Variants in ZNF385D observed in about 807,000 individuals in gnomAD.
ZNF385D encodes zinc finger protein 659.
A neutral mutation model predicts 35.8 loss-of-function variants in ZNF385D; 15 were observed. That is an observed-to-expected ratio of 0.42 (90% confidence interval 0.28 to 0.64). The LOEUF (loss-of-function observed/expected upper bound fraction) is 0.64. Among genes scored for constraint, ZNF385D ranks in the 30% least tolerant of loss-of-function variants. ZNF385D has a pLI of 0.23. For missense variants in ZNF385D, 474 were observed against 494.6 expected, an observed-to-expected ratio of 0.96 and a Z score of 0.39; for synonymous variants, 212 against 186.8, an observed-to-expected ratio of 1.13 and a Z score of -1.10.
At chr3:22,250,280 A>G (rs1576563631) in intron 2 of ZNF385D, among the ~76,000 whole-genome samples, 1 of 152,138 alleles carries the variant, frequency 6.6e-6, no homozygotes, top group Non-Finnish European at 1.5e-5. Context: ...TAAATATGCA[A>G]AAGTCTTTTT....
rs1156586342 is a variant in ZNF385D, at chr3:21,419,909, A to T, written c.*1305T>A. 1 of 152,102 alleles carries T rather than the reference A, an allele frequency of 6.6e-6. No homozygotes were observed. Among genetic ancestry groups the T allele is most frequent in the Non-Finnish European group, 1.5e-5 (1 of 68,016 alleles). 9.4% of individuals were successfully genotyped at this position (152,102 alleles called of 1,614,324 possible). A position where few individuals can be genotyped will look rare whatever the true frequency, so the allele number is the denominator to read the frequency against. ...ATAAATCTTGTTTTAAAGGTAAAAC[A>T]TCAACTTCTTTCAGCCTGATGGTGA... On this transcript the variant is annotated 3_prime_UTR_variant, in exon 8 of 8. Transcript: ENST00000281523.
At chr3:22,042,196 G>A (rs1395493923) in intron 3 of ZNF385D, among the ~76,000 whole-genome samples, 5 of 152,046 alleles carry the variant, frequency 3.3e-5, no homozygotes, top group Non-Finnish European at 5.9e-5. Flanking sequence ...CGGCTCACTA[G>A]TTATGAAACT....
intron 2 of ZNF385D, among the ~76,000 whole-genome samples, chr3:22,362,754 A>G (rs1466198804): frequency 6.6e-6 from 1 of 152,118 alleles, no homozygotes; most frequent in Non-Finnish European, 1.5e-5. Context: ...ACACTCCTAG[A>G]TGACAGAATA....
At chr3:21,760,862 G>A (rs893368666) in intron 3 of ZNF385D, among the ~76,000 whole-genome samples, 1 of 152,128 alleles carries the variant, frequency 6.6e-6, no homozygotes, top group African/African-American at 2.4e-5. Flanking sequence ...GGTTTAATGT[G>A]TGTGTATTTT....
chr3:21,763,099 T>C lies in ZNF385D; in HGVS notation c.326-98071A>G, dbSNP rs540513809. ...GACAAATTTCCCAAAGACAAGAATA[T>C]GGTAACTCCCCCAAAAGCTCTTGAA... is the stretch of plus-strand genomic sequence containing the variant. On this transcript the variant is annotated intron_variant, in intron 3 of 5. Coordinates refer to the ZNF385D transcript ENST00000494108. Among the ~76,000 whole-genome samples, 9 of 152,240 alleles carry C rather than the reference T, an allele frequency of 5.9e-5. No individual in the cohort carries two copies. In the East Asian group the frequency reaches 1.5e-3, roughly 26 times the overall value.
At chr3:22,012,845 A>G (rs187566938) in intron 3 of ZNF385D, among the ~76,000 whole-genome samples, 1 of 152,300 alleles carries the variant, frequency 6.6e-6, no homozygotes, top group East Asian at 1.9e-4. Context: ...AATAGATTAC[A>G]TTTATTTAAA....
At chr3:22,251,474 C>G (rs1160135473) in intron 2 of ZNF385D, among the ~76,000 whole-genome samples, 5 of 152,108 alleles carry the variant, frequency 3.3e-5, no homozygotes, top group Admixed American at 1.3e-4. Flanking sequence ...ACTTGGAAAT[C>G]TCTTAAGTGG....
In ZNF385D at chr3:22,219,563, G is replaced by A. The variant is rs76458170; in HGVS notation, c.107-50528C>T. Among the ~76,000 whole-genome samples, 961 of 152,128 alleles carry A rather than the reference G, an allele frequency of 6.3e-3. 6 individuals are homozygous for A. Among genetic ancestry groups the A allele is most frequent in the African/African-American group, 0.021 (892 of 41,524 alleles). ...TTAACAAATAATGTATCATTAAATAGTACTGTAGGTCCCTAATCCTCATCT... is the reference window on the plus strand; with the variant it reads ...TTAACAAATAATGTATCATTAAATAATACTGTAGGTCCCTAATCCTCATCT... On this transcript the variant is annotated intron_variant, in intron 2 of 5. Coordinates refer to the ZNF385D transcript ENST00000494108.
chr3:21,667,824 T>C (rs2066452278), intron 1 of ZNF385D, among the ~76,000 whole-genome samples: 1 of 152,158 alleles, frequency 6.6e-6, no homozygotes, highest in Non-Finnish European at 1.5e-5. Flanking sequence ...TAAATTTAAT[T>C]TCCCATTCTC....
At chr3:21,789,882 G>C (rs3849549) in intron 3 of ZNF385D, among the ~76,000 whole-genome samples, 2,510 of 152,218 alleles carry the variant, frequency 0.016, 75 homozygotes, top group African/African-American at 0.057. Context: ...CTTTCAACTT[G>C]TCACTGTTGT....
At chr3:21,650,790 A>G (rs978933048) in intron 2 of ZNF385D, among the ~76,000 whole-genome samples, 2 of 152,114 alleles carry the variant, frequency 1.3e-5, no homozygotes, top group Non-Finnish European at 2.9e-5. Context: ...TTGGACTAAC[A>G]GTTTCTGAGA....
At chr3:21,627,492 A>G (rs987308103) in intron 2 of ZNF385D, among the ~76,000 whole-genome samples, 1 of 152,084 alleles carries the variant, frequency 6.6e-6, no homozygotes, top group East Asian at 1.9e-4. Flanking sequence ...TGTGAAAATC[A>G]GGTCTATTAA....
At chr3:21,886,883 C>T (rs1284444979) in intron 3 of ZNF385D, among the ~76,000 whole-genome samples, 1 of 152,088 alleles carries the variant, frequency 6.6e-6, no homozygotes, top group African/African-American at 2.4e-5. Context: ...AGCAGTGCCC[C>T]CGTGGGTCCC....
At chr3:21,523,099 G>C (rs1178640547) in intron 3 of ZNF385D, among the ~76,000 whole-genome samples, 2 of 152,222 alleles carry the variant, frequency 1.3e-5, no homozygotes, top group African/African-American at 4.8e-5. Flanking sequence ...CAATGTGTCA[G>C]GTAGTGAGCT....
chr3:21,536,203 G>T (rs2062032857), intron 3 of ZNF385D, among the ~76,000 whole-genome samples: 1 of 151,996 alleles, frequency 6.6e-6, no homozygotes, highest in Non-Finnish European at 1.5e-5. Flanking sequence ...CATCTTATTT[G>T]TTGATGAAGT....
chr3:21,992,895 C>T (rs1395895636), intron 3 of ZNF385D, among the ~76,000 whole-genome samples: 2 of 152,240 alleles, frequency 1.3e-5, no homozygotes, highest in South Asian at 2.1e-4. Flanking sequence ...TTAGTATAAA[C>T]TCCAAGCAGT....
chr3:21,776,480 CACA>C (rs1233024142), intron 3 of ZNF385D, among the ~76,000 whole-genome samples: 4 of 151,926 alleles, frequency 2.6e-5, no homozygotes, highest in African/African-American at 7.2e-5. Context: ...AAATCTGATA[CACA>C]ACAACTAGCA....
intron 4 of ZNF385D, among the ~76,000 whole-genome samples, chr3:21,499,367 C>A (rs1187059991): frequency 6.6e-6 from 1 of 152,094 alleles, no homozygotes; most frequent in African/African-American, 2.4e-5. Context: ...CCTAAGCGAA[C>A]TAACACAGGG....
At chr3:22,075,442 A>C (rs1002118489) in intron 3 of ZNF385D, among the ~76,000 whole-genome samples, 1 of 151,826 alleles carries the variant, frequency 6.6e-6, no homozygotes, top group Non-Finnish European at 1.5e-5. Context: ...AATGAACTTC[A>C]TATTGCCAGA....
Sources: gnomAD v4.1 joint callset for allele counts (sites outside exome capture counted in the v4.1 genomes callset) on GRCh38, gnomAD v4.1.1 for gene constraint, MANE v1.5 for transcripts, NCBI Gene and HGNC (gene_info 2026-07-23, HGNC 2026-07-21) for gene names.